ATF7: variants seen among roughly 807,000 people sequenced by gnomAD.
ATF7 encodes activating transcription factor 7.
A neutral mutation model predicts 50.4 loss-of-function variants in ATF7; 10 were observed. The ratio of observed to expected loss-of-function variants is 0.20; its 90% CI spans 0.12 to 0.34. The LOEUF is 0.34. Among genes scored for constraint, ATF7 ranks in the 10% least tolerant of loss-of-function variants. ATF7 has a pLI of 1.00. For missense variants in ATF7, 465 were observed against 613.9 expected, an observed-to-expected ratio of 0.76 and a Z score of 2.56; for synonymous variants, 201 against 226.4, an observed-to-expected ratio of 0.89 and a Z score of 1.01.
chr12:53,567,773 C>T lies in ATF7; in HGVS notation c.49-15136G>A, dbSNP rs1409346910. On this transcript the variant is annotated intron_variant, in intron 2 of 11. Transcript: ENST00000420353. ...CAGATGTAGCCACTTAGCTGGGGTACCATTAAAGTCCCCAAAGGGATAACT... is the reference window on the plus strand; with the variant it reads ...CAGATGTAGCCACTTAGCTGGGGTATCATTAAAGTCCCCAAAGGGATAACT... Among the ~76,000 whole-genome samples, 15 of 152,246 alleles carry T rather than the reference C, an allele frequency of 9.9e-5. No homozygotes were observed. In the South Asian group the frequency reaches 1.4e-3, roughly 15 times the overall value.
At chr12:53,523,193 G>A (rs1273251782) in intron 11 of ATF7, 83 bp downstream of exon 11, 3 of 1,045,148 alleles carry the variant, frequency 2.9e-6, no homozygotes, top group South Asian at 1.3e-5. Flanking sequence ...TCAGAATGGA[G>A]TTATAAAATT....
chr12:53,532,528 T>C lies in ATF7; in HGVS notation c.756A>G (p.Ile252Met). 6.3e-7 allele frequency: 1 copy of C among 1,599,580 alleles called. No individual in the cohort carries two copies. Among genetic ancestry groups the C allele is most frequent in the Non-Finnish European group, 8.5e-7 (1 of 1,173,222 alleles). Residue 252 changes from isoleucine to methionine, a missense_variant, in exon 8 of 12, where the codon ATA becomes ATG. Coordinates refer to ENST00000420353, the MANE Select transcript of ATF7 (RefSeq NM_006856.3). ...TACTCACCATCTTGGCTTCTGATGG[T>C]ATAGGGTGGCCAGAGGGAGAAATGG... ...SGSISPSGHP[I>M]PSEAKMRLKA...
At position 53,559,084 on chromosome 12, in the gene ATF7, C is replaced by T. The variant is rs1940925841; in HGVS notation, c.49-6447G>A. Among the ~76,000 whole-genome samples the T allele has an allele frequency of 3.4e-5, 5 of 148,586 alleles. No individual in the cohort carries two copies. In the South Asian group the frequency reaches 1.1e-3, roughly 32 times the overall value. On this transcript the variant is annotated intron_variant, in intron 2 of 11. Transcript: ENST00000420353. ...ATGGCTTGAGCCCAAGAGTTCAAGA[C>T]CAGCCTGGGCAACATCGTTAAGACC... is the stretch of plus-strand genomic sequence containing the variant.
chr12:53,537,902 G>A (rs1259465886), intron 4 of ATF7, among the ~76,000 whole-genome samples: 1 of 152,032 alleles, frequency 6.6e-6, no homozygotes, highest in Admixed American at 6.6e-5. Flanking sequence ...AATAGAGATG[G>A]GGTTTCTCCA....
chr12:53,560,021 C>T (rs2137553958), intron 2 of ATF7, among the ~76,000 whole-genome samples: 1 of 152,158 alleles, frequency 6.6e-6, no homozygotes, highest in Non-Finnish European at 1.5e-5. Flanking sequence ...CTCCTGGGTT[C>T]AAGTGATTCT....
Position 53,585,896 on chromosome 12 carries a change from G to T in ATF7, c.48+15057C>A, listed in dbSNP as rs540754610. Among the ~76,000 whole-genome samples, 6 of 152,248 alleles carry T rather than the reference G, an allele frequency of 3.9e-5. No homozygotes were observed. The South Asian group carries it at 1.0e-3, about 26-fold the overall frequency. The stretch of plus-strand genomic sequence containing the variant: ...TGACAAGCCGATTACTGTCTATGGA[G>T]AAGCAAAATGCCTCCCTTAGGACTA... On this transcript the variant is annotated intron_variant, in intron 2 of 11. Transcript: ENST00000420353.
At chr12:53,554,208 G>T (rs938308322) in intron 2 of ATF7, among the ~76,000 whole-genome samples, 5 of 152,192 alleles carry the variant, frequency 3.3e-5, no homozygotes, top group Admixed American at 6.5e-5. Flanking sequence ...TCCGCTCACT[G>T]CAACCTCTGC....
In ATF7 at chr12:53,512,295, G is replaced by C. The variant is rs1270369990; in HGVS notation, c.*4842C>G. On this transcript the variant is annotated 3_prime_UTR_variant, in exon 12 of 12. Transcript: ENST00000420353. ...ATCAGGTGGAGGGGAAAAGGGAAAA[G>C]ACAGTTTTGTAACAAAAAACAAAAT... is the stretch of plus-strand genomic sequence containing the variant. The C allele has an allele frequency of 2.0e-5, 3 of 152,166 alleles. No individual in the cohort carries two copies. Among genetic ancestry groups the C allele is most frequent in the Non-Finnish European group, 2.9e-5 (2 of 68,054 alleles). 9.4% of individuals were successfully genotyped at this position (152,166 alleles called of 1,614,324 possible).
At chr12:53,517,867 A>G (rs1937814020) in intron 11 of ATF7, among the ~76,000 whole-genome samples, 2 of 151,880 alleles carry the variant, frequency 1.3e-5, no homozygotes, top group Non-Finnish European at 2.9e-5. Flanking sequence ...TATTTTATTT[A>G]TTTATTTTTT....
chr12:53,539,332 A>G lies in ATF7; in HGVS notation c.265-1780T>C, dbSNP rs569536573. Among the ~76,000 whole-genome samples the G allele has an allele frequency of 1.3e-4, 20 of 152,280 alleles. 1 individual carries two copies. Among genetic ancestry groups the G allele is most frequent in the African/African-American group, 4.3e-4 (18 of 41,558 alleles). ...GGTGGCTCATGCCTGTAATCTCAAC[A>G]CTTTGGGAGGCCAAGGTGGGAGGAT... On this transcript the variant is annotated intron_variant, in intron 4 of 11. Coordinates refer to ENST00000420353, the MANE Select transcript of ATF7 (RefSeq NM_006856.3).
intron 2 of ATF7, among the ~76,000 whole-genome samples, chr12:53,570,501 A>G (rs1296415149): frequency 6.6e-6 from 1 of 152,204 alleles, no homozygotes; most frequent in Non-Finnish European, 1.5e-5. Flanking sequence ...GTAGGCCGGT[A>G]ATGCCTCCAG....
Position 53,579,444 on chromosome 12 carries a change from C to T in ATF7, c.48+21509G>A, listed in dbSNP as rs189906639. On this transcript the variant is annotated intron_variant, in intron 2 of 11. Transcript: ENST00000420353. ...GTATACACCTGTAATCCCAGCTACT[C>T]AGGAGGCTGAAGCAGGAGAATTGCT... Among the ~76,000 whole-genome samples, 511 of 150,438 alleles carry T rather than the reference C, an allele frequency of 3.4e-3. 2 individuals are homozygous for T. The highest frequency in any genetic ancestry group is 0.012 in the African/African-American group (486 of 40,814).
intron 1 of ATF7, among the ~76,000 whole-genome samples, chr12:53,601,988 G>T (rs1943426923): frequency 1.3e-5 from 2 of 152,156 alleles, no homozygotes. Context: ...CTGAATGTGT[G>T]GGAGAAATTT....
chr12:53,549,552 C>T (rs1592846205), intron 3 of ATF7, among the ~76,000 whole-genome samples: 1 of 152,006 alleles, frequency 6.6e-6, no homozygotes, highest in Non-Finnish European at 1.5e-5. Context: ...TACAGGCATG[C>T]ACCACCATGC....
chr12:53,600,002 A>G (rs948643752), intron 2 of ATF7, among the ~76,000 whole-genome samples: 1 of 152,240 alleles, frequency 6.6e-6, no homozygotes, highest in African/African-American at 2.4e-5. Flanking sequence ...GCATATGATG[A>G]AAAATGACAT....
At chr12:53,542,405 C>A (rs543569118) in intron 4 of ATF7, among the ~76,000 whole-genome samples, 2 of 149,808 alleles carry the variant, frequency 1.3e-5, no homozygotes, top group African/African-American at 4.9e-5. Context: ...CCAGCCTGGG[C>A]AACAGAGCAA....
intron 1 of ATF7, among the ~76,000 whole-genome samples, chr12:53,623,481 A>G (rs1408653938): frequency 6.6e-6 from 1 of 152,210 alleles, no homozygotes; most frequent in Non-Finnish European, 1.5e-5. Context: ...TGAATGCTGC[A>G]TTTGTTTTTC....
chr12:53,556,993 A>AATT (rs1481611465), intron 2 of ATF7, among the ~76,000 whole-genome samples: 1 of 151,998 alleles, frequency 6.6e-6, no homozygotes, highest in Non-Finnish European at 1.5e-5. Context: ...CCTGGGCTCA[A>AATT]ATGAGTCTCC....
intron 3 of ATF7, chr12:53,543,837 T>TACTCCCTG (rs1939717622): frequency 5.7e-6 from 1 of 175,332 alleles, no homozygotes; most frequent in African/African-American, 2.4e-5. Context: ...TTCGTAAATT[T>TACTCCCTG]ACTCCCTGCT....
Sources: gnomAD v4.1 joint callset for allele counts (sites outside exome capture counted in the v4.1 genomes callset) on GRCh38, gnomAD v4.1.1 for gene constraint, MANE v1.5 for transcripts, NCBI Gene and HGNC (gene_info 2026-07-23, HGNC 2026-07-21) for gene names.